Variants in LIPC observed in about 807,000 individuals in gnomAD.
LIPC encodes hepatic triacylglycerol lipase.
A neutral mutation model predicts 50.7 loss-of-function variants in LIPC; 44 were observed. The ratio of observed to expected loss-of-function variants is 0.87; its 90% confidence interval spans 0.68 to 1.11. The LOEUF is 1.11. Ranked by LOEUF, LIPC falls within the 50% of genes most tolerant of loss-of-function variation. The probability of loss-of-function intolerance (pLI) is 0.00; values close to 1 mark genes in which losing one functional copy is unlikely to be tolerated. For missense variants in LIPC, 697 were observed against 648.2 expected (o/e 1.08, Z -0.82); for synonymous variants, 271 against 256.4 (o/e 1.06, Z -0.54).
chr15:58,494,449 T>G (rs1414052638), intron 1 of LIPC, among the ~76,000 whole-genome samples: 13 of 152,186 alleles, frequency 8.5e-5, no homozygotes, highest in Admixed American at 6.5e-4. Flanking sequence ...TCCAACCTCA[T>G]TTACGCTGTT....
chr15:58,501,590 G>A (rs1478064208), intron 1 of LIPC, among the ~76,000 whole-genome samples: 1 of 152,084 alleles, frequency 6.6e-6, no homozygotes, highest in Non-Finnish European at 1.5e-5. Flanking sequence ...ACTTCCATCA[G>A]CGCTGAATGA....
chr15:58,467,497 A>G (rs1894612268), intron 1 of LIPC, among the ~76,000 whole-genome samples: 1 of 151,962 alleles, frequency 6.6e-6, no homozygotes, highest in Admixed American at 6.6e-5. Context: ...AGCCACTTTT[A>G]CCGGGTTTAA....
intron 4 of LIPC, among the ~76,000 whole-genome samples, 185 bp from the exon 5 acceptor site, chr15:58,545,557 C>T (rs1206624459): frequency 2.0e-5 from 3 of 152,230 alleles, no homozygotes; most frequent in Non-Finnish European, 4.4e-5. Context: ...TCATTGTTAG[C>T]ACCATGAACT....
chr15:58,440,795 T>C (rs1301826292), intron 1 of LIPC, among the ~76,000 whole-genome samples: 4 of 151,932 alleles, frequency 2.6e-5, no homozygotes, highest in Non-Finnish European at 5.9e-5. Context: ...CTTCAAGAAG[T>C]GGAAGGACAT....
intron 1 of LIPC, among the ~76,000 whole-genome samples, chr15:58,503,893 A>ACACACCCACACACC (rs200448308): frequency 0.024 from 3,645 of 152,104 alleles, 143 homozygotes; most frequent in African/African-American, 0.082. Context: ...ATATGTACAT[A>ACACACCCACACACC]CACACCCACA....
intron 1 of LIPC, among the ~76,000 whole-genome samples, chr15:58,537,429 C>A (rs1893164081): frequency 6.6e-6 from 1 of 152,198 alleles, no homozygotes; most frequent in Non-Finnish European, 1.5e-5. Context: ...CCTTTTCCAC[C>A]TCCCACGGCC....
At chr15:58,495,260 G>C (rs1891726924) in intron 1 of LIPC, among the ~76,000 whole-genome samples, 1 of 152,142 alleles carries the variant, frequency 6.6e-6, no homozygotes. Context: ...TGAAAGACTG[G>C]GTGATTCTAC....
At chr15:58,498,364 G>A (rs1336313388) in intron 1 of LIPC, among the ~76,000 whole-genome samples, 1 of 152,066 alleles carries the variant, frequency 6.6e-6, no homozygotes, top group African/African-American at 2.4e-5. Flanking sequence ...CTGGTCCGAG[G>A]CCCTCACTCT....
At chr15:58,448,804 A>G (rs1038136420) in intron 1 of LIPC, among the ~76,000 whole-genome samples, 1 of 152,388 alleles carries the variant, frequency 6.6e-6, no homozygotes, top group Admixed American at 6.5e-5. Flanking sequence ...ATATATGCAA[A>G]AATACTCAGC....
intron 1 of LIPC, among the ~76,000 whole-genome samples, chr15:58,441,708 T>C (rs923087748): frequency 6.6e-6 from 1 of 152,236 alleles, no homozygotes; most frequent in Non-Finnish European, 1.5e-5. Context: ...AATTCAATGA[T>C]TCGGCATCAT....
At chr15:58,551,314 C>T (rs145989906) in intron 6 of LIPC, among the ~76,000 whole-genome samples, 82 of 152,316 alleles carry the variant, frequency 5.4e-4, no homozygotes, top group African/African-American at 1.9e-3. Context: ...CGAGACTCGC[C>T]TGTTTGAAGC....
chr15:58,564,630 G>C (rs1342905925), intron 8 of LIPC, among the ~76,000 whole-genome samples: 2 of 152,128 alleles, frequency 1.3e-5, no homozygotes, highest in South Asian at 2.1e-4. Context: ...GGGGGGCTGA[G>C]GCAGAAGAAT....
At chr15:58,439,439 T>C (rs1386352092) in intron 1 of LIPC, among the ~76,000 whole-genome samples, 1 of 152,040 alleles carries the variant, frequency 6.6e-6, no homozygotes, top group Non-Finnish European at 1.5e-5. Flanking sequence ...AAAGGCTGCT[T>C]TTTTTGTTTG....
intron 6 of LIPC, among the ~76,000 whole-genome samples, chr15:58,553,451 C>G (rs901332295): frequency 6.6e-6 from 1 of 152,104 alleles, no homozygotes; most frequent in Admixed American, 6.5e-5. Context: ...TAAAAATTAG[C>G]CAGGTAGAGT....
intron 2 of LIPC, among the ~76,000 whole-genome samples, chr15:58,540,953 AT>A (rs1193683449): frequency 1.3e-5 from 2 of 152,040 alleles, no homozygotes; most frequent in Non-Finnish European, 2.9e-5. Flanking sequence ...GGCATGCACC[AT>A]CACACCTGGC....
At chr15:58,523,575 A>G (rs1433228286) in intron 1 of LIPC, among the ~76,000 whole-genome samples, 2 of 151,036 alleles carry the variant, frequency 1.3e-5, no homozygotes, top group African/African-American at 4.9e-5. Flanking sequence ...AGAAATAGTT[A>G]TCATGGAAAG....
chr15:58,504,936 G>T (rs1472176864), intron 1 of LIPC, among the ~76,000 whole-genome samples: 1 of 152,146 alleles, frequency 6.6e-6, no homozygotes, highest in Non-Finnish European at 1.5e-5. Context: ...TGTAGCACTG[G>T]GGATGCCAAT....
At chr15:58,434,280 T>C (rs924721145) in intron 1 of LIPC, among the ~76,000 whole-genome samples, 2 of 152,154 alleles carry the variant, frequency 1.3e-5, no homozygotes, top group Non-Finnish European at 2.9e-5. Flanking sequence ...CAGGAAGTAC[T>C]CCCTCAAGGA....
chr15:58,536,500 G>A (rs777594666), intron 1 of LIPC, among the ~76,000 whole-genome samples: 4 of 152,172 alleles, frequency 2.6e-5, no homozygotes, highest in Non-Finnish European at 5.9e-5. Flanking sequence ...CAGTGTGCAC[G>A]GGAACTAAGG....
Sources: allele counts gnomAD v4.1 joint callset (sites outside exome capture counted in the v4.1 genomes callset), GRCh38; gene constraint gnomAD v4.1.1; transcripts MANE v1.5; gene names NCBI Gene and HGNC (gene_info 2026-07-23, HGNC 2026-07-21).